The following SOX5 variants were observed in gnomAD, a reference collection of about 807,000 sequenced individuals.
SOX5 encodes the protein SRY-box transcription factor 5.
A neutral mutation model predicts 92.0 loss-of-function variants in SOX5; 9 were observed. The ratio of observed to expected loss-of-function variants is 0.10; its 90% CI spans 0.06 to 0.17. The LOEUF is 0.17. SOX5 is among the 10% of genes least tolerant of loss of function. SOX5 has a pLI of 1.00. For missense variants in SOX5, 642 were observed against 944.5 expected (o/e 0.68, Z 4.20); for synonymous variants, 344 against 336.3 (o/e 1.02, Z -0.25).
chr12:23,979,526 A>T lies in SOX5; in HGVS notation c.-1-83502T>A, dbSNP rs372307870. 5.3e-5 allele frequency among the ~76,000 whole-genome samples: 8 copies of T among 151,612 alleles called. No homozygotes were observed. In the East Asian group the frequency reaches 1.4e-3, roughly 26 times the overall value. On this transcript the variant is annotated intron_variant, in intron 4 of 4. Transcript: ENST00000446891. Reference sequence around the variant, plus strand: ...GGAGTGAGCCACCGCACCTGGCCCCAATACTTGTAATATTATTTAACTGTA... The same window carrying T: ...GGAGTGAGCCACCGCACCTGGCCCCTATACTTGTAATATTATTTAACTGTA...
chr12:24,313,263 C>T (rs1270134638), intron 2 of SOX5, among the ~76,000 whole-genome samples: 2 of 152,168 alleles, frequency 1.3e-5, no homozygotes, highest in African/African-American at 2.4e-5. Context: ...GCTTCTGGTT[C>T]ACACCTGTAA....
intron 4 of SOX5, among the ~76,000 whole-genome samples, chr12:24,057,119 T>C (rs1270523336): frequency 6.6e-6 from 1 of 151,962 alleles, no homozygotes; most frequent in Non-Finnish European, 1.5e-5. Context: ...TGCATTTTAA[T>C]CTGCGTATCC....
At chr12:23,778,508 T>C (rs758927526) in intron 3 of SOX5, among the ~76,000 whole-genome samples, 4 of 152,170 alleles carry the variant, frequency 2.6e-5, no homozygotes, top group Non-Finnish European at 5.9e-5. Flanking sequence ...GTGTAGGGCA[T>C]AAAATGGGTA....
chr12:23,673,407 G>C (rs1190411123), intron 6 of SOX5, among the ~76,000 whole-genome samples: 1 of 152,056 alleles, frequency 6.6e-6, no homozygotes, highest in African/African-American at 2.4e-5. Flanking sequence ...GAATGTGCTT[G>C]TCTGTTAATG....
intron 7 of SOX5, among the ~76,000 whole-genome samples, chr12:23,651,531 C>A (rs1218996997): frequency 2.6e-5 from 4 of 152,030 alleles, no homozygotes; most frequent in African/African-American, 9.7e-5. Context: ...AAGGTACAAT[C>A]CTTGCCTTCA....
chr12:24,503,538 T>C (rs760036930), intron 1 of SOX5, among the ~76,000 whole-genome samples: 1 of 152,184 alleles, frequency 6.6e-6, no homozygotes. Flanking sequence ...ATGTTTATTG[T>C]AGTACTGTTC....
At chr12:23,799,045 TA>T (rs2095615325) in intron 3 of SOX5, among the ~76,000 whole-genome samples, 1 of 151,940 alleles carries the variant, frequency 6.6e-6, no homozygotes, top group Non-Finnish European at 1.5e-5. Flanking sequence ...CTCAACATAG[TA>T]ATACTTACAA....
chr12:23,634,657 T>C (rs936938759), intron 8 of SOX5, among the ~76,000 whole-genome samples: 1 of 152,142 alleles, frequency 6.6e-6, no homozygotes, highest in Non-Finnish European at 1.5e-5. Context: ...ACAGAGAGTG[T>C]TTTCATATGT....
At chr12:24,552,948 CTT>C (rs35128140) in intron 1 of SOX5, among the ~76,000 whole-genome samples, 36,378 of 152,096 alleles carry the variant, frequency 0.24, 4,965 homozygotes, top group African/African-American at 0.37. Context: ...AGGAGGATCA[CTT>C]GAGCTCGGGC....
At chr12:23,711,694 C>A (rs2092069106) in intron 6 of SOX5, among the ~76,000 whole-genome samples, 1 of 151,984 alleles carries the variant, frequency 6.6e-6, no homozygotes, top group Non-Finnish European at 1.5e-5. Flanking sequence ...CAGAAAGAAT[C>A]TGAAGTAATT....
intron 6 of SOX5, among the ~76,000 whole-genome samples, chr12:23,692,076 C>A (rs2088914364): frequency 6.6e-6 from 1 of 152,112 alleles, no homozygotes; most frequent in Non-Finnish European, 1.5e-5. Flanking sequence ...TCTAAGAACT[C>A]TTAAACTTCC....
chr12:24,312,844 A>C (rs1949323790), intron 2 of SOX5, among the ~76,000 whole-genome samples: 1 of 152,188 alleles, frequency 6.6e-6, no homozygotes, highest in African/African-American at 2.4e-5. Context: ...ACCTTCTTAA[A>C]GGTCACTGCT....
At chr12:24,183,175 T>C (rs1370436772) in intron 4 of SOX5, among the ~76,000 whole-genome samples, 1 of 152,232 alleles carries the variant, frequency 6.6e-6, no homozygotes, top group African/African-American at 2.4e-5. Context: ...TTCTAGATTA[T>C]GTATTCCTCT....
chr12:23,881,525 C>G (rs879843576), intron 2 of SOX5, among the ~76,000 whole-genome samples: 1 of 152,186 alleles, frequency 6.6e-6, no homozygotes, highest in Non-Finnish European at 1.5e-5. Flanking sequence ...CTTAGATAAT[C>G]CATTGATCCC....
intron 6 of SOX5, among the ~76,000 whole-genome samples, chr12:23,706,512 G>A (rs1456086410): frequency 6.6e-6 from 1 of 151,946 alleles, no homozygotes; most frequent in Non-Finnish European, 1.5e-5. Context: ...AAGTTGGAAA[G>A]TCTAGAACTA....
chr12:23,985,738 A>C (rs1203636721), intron 4 of SOX5, among the ~76,000 whole-genome samples: 1 of 151,858 alleles, frequency 6.6e-6, no homozygotes, highest in Non-Finnish European at 1.5e-5. Context: ...AATTATCACA[A>C]ACTTCATGGC....
intron 3 of SOX5, among the ~76,000 whole-genome samples, chr12:24,269,496 C>G (rs779263667): frequency 1.3e-5 from 2 of 152,014 alleles, no homozygotes; most frequent in Non-Finnish European, 2.9e-5. Context: ...TTGGTCAATT[C>G]AGCATATAAT....
At chr12:23,737,244 T>C (rs16926692) in intron 5 of SOX5, among the ~76,000 whole-genome samples, 23,468 of 151,992 alleles carry the variant, frequency 0.15, 2,361 homozygotes, top group African/African-American at 0.29. Context: ...CTGCTCCCTA[T>C]AGTTGATCAC....
chr12:23,906,953 A>T (rs1355974707), intron 1 of SOX5, among the ~76,000 whole-genome samples: 1 of 152,034 alleles, frequency 6.6e-6, no homozygotes, highest in African/African-American at 2.4e-5. Context: ...AAAAAAAAAA[A>T]ATACTGTGTG....
Sources: gnomAD v4.1 joint callset for allele counts (sites outside exome capture counted in the v4.1 genomes callset) on GRCh38, gnomAD v4.1.1 for gene constraint, MANE v1.5 for transcripts, NCBI Gene and HGNC (gene_info 2026-07-23, HGNC 2026-07-21) for gene names.